PAK3: variants seen among roughly 807,000 people sequenced by gnomAD.
The protein encoded by PAK3 is p21 (RAC1) activated kinase 3.
PAK3 carries 4 observed loss-of-function variants against 41.0 expected under a neutral mutation model. The observed-to-expected ratio is 0.10, with a 90% CI of 0.05 to 0.22. The LOEUF is 0.22. Ranked by LOEUF, PAK3 falls within the 10% of genes least tolerant of loss-of-function variation. The pLI is 1.00. For missense variants in PAK3, 205 were observed against 409.9 expected, an observed-to-expected ratio of 0.50 and a Z score of 4.32; for synonymous variants, 146 against 139.6, an observed-to-expected ratio of 1.05 and a Z score of -0.32.
At chrX:111,178,970 T>G (rs1476309224) in intron 11 of PAK3, among the ~76,000 whole-genome samples, 24 of 82,916 alleles carry the variant, frequency 2.9e-4, no homozygotes, top group African/African-American at 2.3e-3. Flanking sequence ...TATATATATA[T>G]ATATATATAT....
chrX:111,205,211 C>T (rs756574850), intron 16 of PAK3, among the ~76,000 whole-genome samples: 2 of 110,735 alleles, frequency 1.8e-5, no homozygotes, highest in African/African-American at 6.6e-5. Flanking sequence ...CATAGAGTTC[C>T]TTGAGGGTAT....
chrX:110,987,619 C>T (rs1477434274), intron 1 of PAK3, among the ~76,000 whole-genome samples: 1 of 111,690 alleles, frequency 9.0e-6, no homozygotes, highest in Admixed American at 9.5e-5. Context: ...TTGAAAGGTA[C>T]AAATGTAGAG....
intron 7 of PAK3, among the ~76,000 whole-genome samples, chrX:111,148,315 T>C (rs2149116847): frequency 8.9e-6 from 1 of 112,087 alleles, no homozygotes; most frequent in South Asian, 3.8e-4. Context: ...TGGTGTCAGG[T>C]TATTTTGCTA....
chrX:111,088,753 C>T (rs1050334044), intron 1 of PAK3, among the ~76,000 whole-genome samples: 1 of 112,036 alleles, frequency 8.9e-6, no homozygotes, highest in Non-Finnish European at 1.9e-5. Flanking sequence ...AGGTTTAAGG[C>T]ATCACTGGTA....
At chrX:111,034,904 CAGCCTAGGCAGCTAGAG>C (rs980788517) in intron 1 of PAK3, among the ~76,000 whole-genome samples, 2 of 108,780 alleles carry the variant, frequency 1.8e-5, no homozygotes, top group African/African-American at 6.7e-5. Flanking sequence ...AGTTCAAGAC[CAGCCTAGGCAGCTAGAG>C]ATGGAGAAAT....
intron 1 of PAK3, among the ~76,000 whole-genome samples, chrX:110,962,737 T>A (rs2091005710): frequency 1.8e-5 from 2 of 112,730 alleles, no homozygotes; most frequent in Non-Finnish European, 3.7e-5. Context: ...CATCCTGGCC[T>A]CTGAAGATAT....
At chrX:111,037,366 T>C (rs1044782392) in intron 1 of PAK3, among the ~76,000 whole-genome samples, 10 of 112,201 alleles carry the variant, frequency 8.9e-5, no homozygotes, top group African/African-American at 3.2e-4. Flanking sequence ...AGTTTGAAAT[T>C]GAGAGGATTT....
At chrX:111,035,958 G>A (rs1305814060) in intron 1 of PAK3, among the ~76,000 whole-genome samples, 1 of 112,204 alleles carries the variant, frequency 8.9e-6, no homozygotes, top group African/African-American at 3.2e-5. Flanking sequence ...CTTTCACAAA[G>A]CTAAACAAGC....
At chrX:111,025,342 G>C (rs2092254526) in intron 1 of PAK3, among the ~76,000 whole-genome samples, 2 of 110,834 alleles carry the variant, frequency 1.8e-5, no homozygotes, top group Non-Finnish European at 3.8e-5. Flanking sequence ...AAAGATAAAT[G>C]AAACAAAAAG....
chrX:111,122,164 G>A (rs1160670928), intron 4 of PAK3, among the ~76,000 whole-genome samples: 3 of 103,021 alleles, frequency 2.9e-5, no homozygotes, highest in African/African-American at 1.1e-4. Context: ...GCTGAGGCAG[G>A]AGAATGGCAT....
At chrX:111,217,433 T>C in intron 17 of PAK3, 2 of 713,904 alleles carry the variant, frequency 2.8e-6, no homozygotes, top group Non-Finnish European at 3.8e-6. Context: ...TTTGAACACA[T>C]AAGCCAATTA....
intron 16 of PAK3, among the ~76,000 whole-genome samples, chrX:111,202,942 A>C (rs1433013790): frequency 3.6e-5 from 4 of 111,963 alleles, no homozygotes; most frequent in Non-Finnish European, 7.5e-5. Flanking sequence ...TCGCTGGAAG[A>C]CAGTTATTGG....
chrX:111,006,830 T>TTTC (rs1352482727), intron 1 of PAK3, among the ~76,000 whole-genome samples: 1 of 13,597 alleles, frequency 7.4e-5, no homozygotes, highest in East Asian at 0.018. Flanking sequence ...TCTTTCTTTC[T>TTTC]TTCTTTCTTT....
At chrX:111,202,332 T>G (rs1465295640) in intron 16 of PAK3, among the ~76,000 whole-genome samples, 1 of 111,557 alleles carries the variant, frequency 9.0e-6, no homozygotes, top group Non-Finnish European at 1.9e-5. Flanking sequence ...ATTGTACTGA[T>G]GTTATGAGGC....
At chrX:111,133,043 C>T (rs1009710668) in intron 5 of PAK3, among the ~76,000 whole-genome samples, 1 of 111,743 alleles carries the variant, frequency 8.9e-6, no homozygotes, top group African/African-American at 3.3e-5. Context: ...AGCCTGCCCC[C>T]ACCATGGCAT....
chrX:111,075,266 T>C (rs1438149980), intron 1 of PAK3, among the ~76,000 whole-genome samples: 1 of 112,445 alleles, frequency 8.9e-6, no homozygotes, highest in Non-Finnish European at 1.9e-5. Flanking sequence ...TTCAGAAGTC[T>C]TTGGGACAGC....
chrX:110,953,357 T>C (rs1464646670), intron 1 of PAK3, among the ~76,000 whole-genome samples: 1 of 112,078 alleles, frequency 8.9e-6, no homozygotes, highest in Non-Finnish European at 1.9e-5. Flanking sequence ...TCCTGACATA[T>C]AAAATGAGGG....
chrX:111,042,956 G>A (rs977160873), intron 1 of PAK3, among the ~76,000 whole-genome samples: 2 of 111,699 alleles, frequency 1.8e-5, no homozygotes, highest in Admixed American at 9.5e-5. Context: ...CTTCACTCAC[G>A]GGACAGCCAG....
intron 1 of PAK3, among the ~76,000 whole-genome samples, chrX:110,955,740 T>C (rs1404911332): frequency 8.9e-6 from 1 of 112,313 alleles, no homozygotes; most frequent in Non-Finnish European, 1.9e-5. Flanking sequence ...TTTGCCTCTT[T>C]AGGCCTCAGT....
Sources: allele counts gnomAD v4.1 joint callset (sites outside exome capture counted in the v4.1 genomes callset), GRCh38; gene constraint gnomAD v4.1.1; transcripts MANE v1.5; gene names NCBI Gene and HGNC (gene_info 2026-07-23, HGNC 2026-07-21).